KCNQ1: variants seen among roughly 807,000 people sequenced by gnomAD.
The protein encoded by KCNQ1 is potassium voltage-gated channel subfamily Q member 1, also known as potassium voltage-gated channel subfamily KQT member 1.
Under a neutral mutation model 72.4 loss-of-function variants are expected in KCNQ1, and 49 were observed. That is an observed-to-expected ratio of 0.68 (90% CI 0.54 to 0.86). The LOEUF (loss-of-function observed/expected upper bound fraction) is 0.86, where lower values mean the gene tolerates loss of function less well. Ranked by LOEUF, KCNQ1 falls within the 40% of genes least tolerant of loss-of-function variation. The pLI is 0.00. For synonymous variants in KCNQ1, 450 were observed against 412.6 expected (o/e 1.09, Z -1.10); for missense variants, 790 against 945.1 (o/e 0.84, Z 2.15).
intron 10 of KCNQ1, chr11:2,644,648 C>T: frequency 2.5e-6 from 1 of 398,566 alleles, no homozygotes; most frequent in Non-Finnish European, 4.4e-6. Flanking sequence ...ACACTGGTAT[C>T]TGCACATCTG....
rs192774459 is a variant in KCNQ1, at chr11:2,748,065, C to T, written c.1515-20779C>T. 6.6e-6 allele frequency among the ~76,000 whole-genome samples: 1 copy of T among 152,286 alleles called. No individual in the cohort carries two copies. Among genetic ancestry groups the T allele is most frequent in the East Asian group, 1.9e-4 (1 of 5,184 alleles). ...ATATCTGATTTTCAGAAAACCATGG[C>T]TCACCCACACTCTACCCTAGGAAAG... On this transcript the variant is annotated intron_variant, in intron 11 of 15. Coordinates refer to ENST00000155840, the MANE Select transcript of KCNQ1 (RefSeq NM_000218.3). This position sits in a 1 kb window ranked among gnomAD's most constrained non-coding sequence, Gnocchi z 6.2.
intron 1 of KCNQ1, among the ~76,000 whole-genome samples, chr11:2,469,119 G>A (rs778796716): frequency 1.9e-4 from 29 of 152,194 alleles, no homozygotes; most frequent in Non-Finnish European, 4.0e-4. Flanking sequence ...CAGGTGTGTC[G>A]GGGCCCTCCC....
intron 10 of KCNQ1, chr11:2,630,890 T>G (rs1228352288): frequency 2.5e-6 from 1 of 398,404 alleles, no homozygotes; most frequent in Non-Finnish European, 4.4e-6. Flanking sequence ...TTTCAGAACT[T>G]TGAATATATA....
At chr11:2,474,922 G>A (rs1195799428) in intron 1 of KCNQ1, among the ~76,000 whole-genome samples, 38 of 152,216 alleles carry the variant, frequency 2.5e-4, no homozygotes, top group Admixed American at 2.5e-3. Flanking sequence ...TGCATAGCTA[G>A]TGAGGAGCAG....
At chr11:2,490,134 G>T (rs1473540022) in intron 1 of KCNQ1, among the ~76,000 whole-genome samples, 1 of 152,222 alleles carries the variant, frequency 6.6e-6, no homozygotes, top group Admixed American at 6.5e-5. Flanking sequence ...TAGCCTGACA[G>T]TACTGCCTAT....
intron 11 of KCNQ1, among the ~76,000 whole-genome samples, chr11:2,751,685 GTTACCATGGTTT>G (rs1564881372): frequency 6.6e-6 from 1 of 152,250 alleles, no homozygotes; most frequent in East Asian, 1.9e-4. Context: ...TGAGCGTAGC[GTTACCATGGTTT>G]TTAAATTAAA....
rs1244633399 is a variant in KCNQ1, at chr11:2,479,386, A to G, written c.386+33902A>G. ...TCTGCCTGGACATCCAGGCATTTCC[A>G]TACATCTCTGAAATCTAGGCAGAGC... On this transcript the variant is annotated intron_variant, in intron 1 of 15. Coordinates refer to ENST00000155840, the MANE Select transcript of KCNQ1 (RefSeq NM_000218.3). This position sits in a 1 kb window ranked among gnomAD's most constrained non-coding sequence, Gnocchi z 4.6. Among the ~76,000 whole-genome samples the G allele has an allele frequency of 1.3e-5, 2 of 152,144 alleles. No homozygotes were observed. The highest frequency in any genetic ancestry group is 2.9e-5 in the Non-Finnish European group (2 of 68,034).
At position 2,565,179 on chromosome 11, in the gene KCNQ1, C is replaced by G. The variant is rs1295438065; in HGVS notation, c.478-5449C>G. Among the ~76,000 whole-genome samples the G allele has an allele frequency of 6.6e-6, 1 of 152,208 alleles. No homozygotes were observed. Among genetic ancestry groups the G allele is most frequent in the Admixed American group, 6.5e-5 (1 of 15,274 alleles). Reference sequence around the variant, plus strand: ...ATTTGTTAGAGCAGTTTTAGGTTCACAGCAAAATCGAGCGGCTGGTCATTT... The same window carrying G: ...ATTTGTTAGAGCAGTTTTAGGTTCAGAGCAAAATCGAGCGGCTGGTCATTT... On this transcript the variant is annotated intron_variant, in intron 2 of 15. Transcript: ENST00000155840. This position sits in a 1 kb window ranked among gnomAD's most constrained non-coding sequence, Gnocchi z 5.6.
At chr11:2,829,952 A>C (rs1457183232) in intron 15 of KCNQ1, among the ~76,000 whole-genome samples, 1 of 48,544 alleles carries the variant, frequency 2.1e-5, no homozygotes, top group Middle Eastern at 8.8e-3. Flanking sequence ...GGGGAGGGGG[A>C]GGGGGAGGAG....
chr11:2,588,611 C>T lies in KCNQ1; in HGVS notation c.1252-102C>T, dbSNP rs373361938. The T allele has an allele frequency of 1.4e-3, 2,067 of 1,426,328 alleles. 13 individuals carry two copies. Among genetic ancestry groups the T allele is most frequent in the African/African-American group, 0.014 (1,008 of 71,502 alleles). The allele number at this position is 1,426,328 out of a possible 1,614,324, so 88.4% of individuals were successfully genotyped here. ...CAGGTCCCTGTCCGGGTGTATGTGG[C>T]GGGGGCTGGGCTCGGGGCGGCTGCA... On this transcript the variant is annotated intron_variant, in intron 9 of 15. Coordinates refer to ENST00000155840, the MANE Select transcript of KCNQ1 (RefSeq NM_000218.3). The surrounding 1 kb of genome is among the most constrained non-coding windows in gnomAD (Gnocchi z 5.6).
rs1398242212 is a variant in KCNQ1 at position 2,497,912 on chromosome 11, C to T, written c.387-30016C>T. On this transcript the variant is annotated intron_variant, in intron 1 of 15. Transcript: ENST00000155840. The surrounding 1 kb of genome is among the most constrained non-coding windows in gnomAD (Gnocchi z 4.5). ...TGCTTTCTGTTTGCTAGCTTTTCTT[C>T]TAAGAGTCAAGCCTGCAGTCCTGCA... 1.3e-5 allele frequency among the ~76,000 whole-genome samples: 2 copies of T among 152,158 alleles called. No individual in the cohort carries two copies. Among genetic ancestry groups the T allele is most frequent in the East Asian group, 3.9e-4 (2 of 5,188 alleles).
In KCNQ1 at chr11:2,593,340, G is replaced by A. The variant is rs1848694078; in HGVS notation, c.1393+4486G>A. Reference sequence around the variant, plus strand: ...CTGCTCAGAGAACACTGGGCTGGAAGGTCGTGGTCTGTGACGTAGGATCGG... The same window carrying A: ...CTGCTCAGAGAACACTGGGCTGGAAAGTCGTGGTCTGTGACGTAGGATCGG... On this transcript the variant is annotated intron_variant, in intron 10 of 15. Coordinates refer to ENST00000155840, the MANE Select transcript of KCNQ1 (RefSeq NM_000218.3). This position sits in a 1 kb window ranked among gnomAD's most constrained non-coding sequence, Gnocchi z 6.9. Among the ~76,000 whole-genome samples the A allele has an allele frequency of 6.6e-6, 1 of 152,134 alleles. No individual in the cohort carries two copies. Among genetic ancestry groups the A allele is most frequent in the Non-Finnish European group, 1.5e-5 (1 of 67,998 alleles).
At chr11:2,777,839 A>T in intron 14 of KCNQ1, 137 bp from the exon 15 acceptor site, 1 of 732,140 alleles carries the variant, frequency 1.4e-6, no homozygotes, top group South Asian at 1.5e-5. Context: ...CATGCTTTTT[A>T]AAAATGTCCT....
At chr11:2,680,543 C>T in intron 11 of KCNQ1, 1 of 398,302 alleles carries the variant, frequency 2.5e-6, no homozygotes, top group Non-Finnish European at 4.4e-6. Context: ...TCATGCAGTT[C>T]TAAGAAACAA....
In KCNQ1 at chr11:2,450,086, C is replaced by T. The variant is rs534467754; in HGVS notation, c.386+4602C>T. ...GGCCCCCAGTTCCCTGCATTCCACC[C>T]GCCTTGTCTGGGAGGTGGACGAGCC... On this transcript the variant is annotated intron_variant, in intron 1 of 15. Coordinates refer to ENST00000155840, the MANE Select transcript of KCNQ1 (RefSeq NM_000218.3). The surrounding 1 kb of genome is among the most constrained non-coding windows in gnomAD (Gnocchi z 7.9). Among the ~76,000 whole-genome samples the T allele has an allele frequency of 2.0e-5, 3 of 152,342 alleles. No homozygotes were observed. Among genetic ancestry groups the T allele is most frequent in the South Asian group, 2.1e-4 (1 of 4,830 alleles).
rs1360708043 is a variant in KCNQ1, at chr11:2,666,075, C to T, written c.1514+3994C>T. The stretch of plus-strand genomic sequence containing the variant: ...CAAGAGGACAGGCCCATAAGCCCTG[C>T]AGCCTATGGCTCTGCCCAGCCCAGT... On this transcript the variant is annotated intron_variant, in intron 11 of 15. Transcript: ENST00000155840. 1.0e-5 allele frequency: 4 copies of T among 398,566 alleles called. No homozygotes were observed. The South Asian group carries it at 3.8e-4, about 38-fold the overall frequency. 24.7% of individuals were successfully genotyped at this position (398,566 alleles called of 1,614,324 possible). A position where few individuals can be genotyped will look rare whatever the true frequency, so the allele number is the denominator to read the frequency against.
rs1850438535 is a variant in KCNQ1, at chr11:2,683,747, A to T, written c.1514+21666A>T. 1 of 398,482 alleles carries T rather than the reference A, an allele frequency of 2.5e-6. No individual in the cohort carries two copies. The highest frequency in any genetic ancestry group is 4.4e-6 in the Non-Finnish European group (1 of 226,072). 24.7% of individuals were successfully genotyped at this position (398,482 alleles called of 1,614,324 possible). A position where few individuals can be genotyped will look rare whatever the true frequency, so the allele number is the denominator to read the frequency against. On this transcript the variant is annotated intron_variant, in intron 11 of 15. Transcript: ENST00000155840. The surrounding 1 kb of genome is among the most constrained non-coding windows in gnomAD (Gnocchi z 4.7). ...GGTTACCTAGCTTTAGCTCTGAGGC[A>T]GCCCAGATGACATGGGCCTCTAAGG... is the stretch of plus-strand genomic sequence containing the variant.
At chr11:2,584,572 A>G (rs1166187835) in intron 7 of KCNQ1, among the ~76,000 whole-genome samples, 1 of 109,436 alleles carries the variant, frequency 9.1e-6, no homozygotes, top group South Asian at 2.8e-4. Flanking sequence ...TGTGTGTGTT[A>G]GTGTTTGTGT....
chr11:2,750,359 A>C lies in KCNQ1; in HGVS notation c.1515-18485A>C, dbSNP rs191432387. 3.3e-5 allele frequency among the ~76,000 whole-genome samples: 5 copies of C among 152,252 alleles called. No homozygotes were observed. The East Asian group carries it at 9.6e-4, about 29-fold the overall frequency. On this transcript the variant is annotated intron_variant, in intron 11 of 15. Coordinates refer to ENST00000155840, the MANE Select transcript of KCNQ1 (RefSeq NM_000218.3). This position sits in a 1 kb window ranked among gnomAD's most constrained non-coding sequence, Gnocchi z 6.3. ...CTAACCAGTTGGGGGAATCCATGGG[A>C]GGCTTTAGCCCTGCTCTGTGAACTG...
Sources: gnomAD v4.1 joint callset for allele counts (sites outside exome capture counted in the v4.1 genomes callset) on GRCh38, gnomAD v4.1.1 for gene constraint, Gnocchi (gnomAD v3.1) non-coding constraint, MANE v1.5 for transcripts, NCBI Gene and HGNC (gene_info 2026-07-23, HGNC 2026-07-21) for gene names.